PCLO: variants seen among roughly 807,000 people sequenced by gnomAD.
The protein encoded by PCLO is piccolo presynaptic cytomatrix protein, also known as protein piccolo.
PCLO carries 82 observed loss-of-function variants against 427.5 expected under a neutral mutation model. That is an observed-to-expected ratio of 0.19 (90% CI 0.16 to 0.23). PCLO has a LOEUF of 0.23. Among genes scored for constraint, PCLO ranks in the 10% least tolerant of loss-of-function variants. The pLI is 1.00. For missense variants in PCLO, 6,239 were observed against 6,115.9 expected, an observed-to-expected ratio of 1.02 and a Z score of -0.67; for synonymous variants, 2,357 against 2,155.4, an observed-to-expected ratio of 1.09 and a Z score of -2.59.
rs1369832923 is a variant in PCLO, at chr7:82,875,795, C to G, written c.13654+3542G>C. Among the ~76,000 whole-genome samples, 2 of 151,942 alleles carry G rather than the reference C, an allele frequency of 1.3e-5. 1 individual carries two copies. The highest frequency in any genetic ancestry group is 2.9e-5 in the Non-Finnish European group (2 of 67,924). ...CATAAATCTATACAGGTATTATTGT[C>G]AATTAAAAATCAAAATAAAACTATA... On this transcript the variant is annotated intron_variant, in intron 10 of 24. Transcript: ENST00000333891.
intron 22 of PCLO, among the ~76,000 whole-genome samples, chr7:82,794,595 C>T (rs1200794501): frequency 6.6e-6 from 1 of 150,442 alleles, no homozygotes; most frequent in African/African-American, 2.4e-5. Context: ...ATCTTAGCCT[C>T]CCTAGCAGCT....
intron 22 of PCLO, among the ~76,000 whole-genome samples, chr7:82,780,277 T>C (rs1323408515): frequency 6.6e-6 from 1 of 152,236 alleles, no homozygotes; most frequent in African/African-American, 2.4e-5. Flanking sequence ...AAATACAAAA[T>C]ACAATTGCCA....
At chr7:82,867,532 A>G (rs1050869298) in intron 10 of PCLO, among the ~76,000 whole-genome samples, 3 of 152,192 alleles carry the variant, frequency 2.0e-5, no homozygotes, top group African/African-American at 7.2e-5. Flanking sequence ...GGATATTAAA[A>G]AGAGAGGTTA....
chr7:82,813,702 T>G (rs115133638), intron 20 of PCLO, among the ~76,000 whole-genome samples: 1,566 of 151,900 alleles, frequency 0.01, 28 homozygotes, highest in African/African-American at 0.036. Flanking sequence ...GTGACATTAT[T>G]TGCACTAAAA....
chr7:82,999,888 T>A (rs1418616436), intron 3 of PCLO, among the ~76,000 whole-genome samples: 2 of 123,808 alleles, frequency 1.6e-5, no homozygotes, highest in Admixed American at 1.0e-4. Context: ...ATATTATATA[T>A]AATATATATA....
At chr7:82,849,792 A>G (rs1359789305) in intron 10 of PCLO, among the ~76,000 whole-genome samples, 1 of 152,158 alleles carries the variant, frequency 6.6e-6, no homozygotes, top group Middle Eastern at 3.2e-3. Flanking sequence ...AGGTTTGAAT[A>G]TAAGCATTTT....
chr7:82,791,583 ATTT>A (rs34451293), intron 22 of PCLO, among the ~76,000 whole-genome samples: 52,772 of 151,792 alleles, frequency 0.35, 9,601 homozygotes, highest in African/African-American at 0.42. Flanking sequence ...TATATTGATG[ATTT>A]TAGAGATTAG....
intron 3 of PCLO, among the ~76,000 whole-genome samples, chr7:83,121,227 G>A (rs969727212): frequency 3.9e-5 from 6 of 152,216 alleles, no homozygotes; most frequent in Admixed American, 3.9e-4. Context: ...GGGAGGGAGT[G>A]GAAGAAGTTG....
chr7:82,948,894 C>A (rs183116949), intron 6 of PCLO, among the ~76,000 whole-genome samples: 31 of 152,248 alleles, frequency 2.0e-4, no homozygotes, highest in Non-Finnish European at 3.5e-4. Flanking sequence ...ATGATTATAT[C>A]ACACTTTTAT....
At chr7:82,826,123 T>C (rs1791937722) in intron 18 of PCLO, among the ~76,000 whole-genome samples, 1 of 151,692 alleles carries the variant, frequency 6.6e-6, no homozygotes, top group South Asian at 2.1e-4. Flanking sequence ...GATGTTAATG[T>C]AAAAATTGTT....
At chr7:82,907,397 G>T in intron 8 of PCLO, among the ~76,000 whole-genome samples, 1 of 151,874 alleles carries the variant, frequency 6.6e-6, no homozygotes. Flanking sequence ...ATTTTAGAGA[G>T]ATTCATATAA....
Position 82,916,082 on chromosome 7 carries a change from T to C in PCLO, c.11904A>G (p.Leu3968=). The change falls in exon 7 of 25, where the codon TTA becomes TTG. Residue 3968 remains leucine, a synonymous_variant. Coordinates refer to ENST00000333891, the MANE Select transcript of PCLO (RefSeq NM_033026.6). The part of the protein sequence containing the change: ...VIQQKPRQTT[L]YLEPKITSNY... ...TTGAGGTTATCTTGGGCTCCAAATA[T>C]AATGTAGTTTGCCGTGGCTTCTGTT... 2.5e-6 allele frequency: 4 copies of C among 1,613,522 alleles called. No homozygotes were observed. The highest frequency in any genetic ancestry group is 1.1e-5 in the South Asian group (1 of 91,084).
chr7:82,916,466 A>G lies in PCLO; in HGVS notation c.11520T>C (p.Ser3840=). Residue 3840 remains serine (S), a synonymous_variant, in exon 7 of 25, where the codon AGT becomes AGC. Transcript: ENST00000333891. The part of the protein sequence containing the change: ...DRDYMSDSEV[S]STRPTRIESQ... ...TTTCTATTCGGGTTGGTCTTGTGCT[A>G]CTCACTTCACTGTCAGACATGTAAT... 11 of 1,613,594 alleles carry G rather than the reference A, an allele frequency of 6.8e-6. No individual in the cohort carries two copies. The highest frequency in any genetic ancestry group is 9.3e-6 in the Non-Finnish European group (11 of 1,179,754).
At chr7:83,031,453 C>T (rs990667371) in intron 3 of PCLO, among the ~76,000 whole-genome samples, 2 of 152,126 alleles carry the variant, frequency 1.3e-5, no homozygotes, top group Non-Finnish European at 2.9e-5. Context: ...AAATTTTACT[C>T]CAGGTATGCC....
At chr7:83,083,420 T>G (rs2116406645) in intron 3 of PCLO, among the ~76,000 whole-genome samples, 1 of 152,114 alleles carries the variant, frequency 6.6e-6, no homozygotes, top group Admixed American at 6.6e-5. Flanking sequence ...ATGTAAAATT[T>G]TAGCTTTTTT....
At chr7:82,879,291 T>C (rs377712487) in intron 10 of PCLO, 46 bp downstream of exon 10, 2 of 1,493,432 alleles carry the variant, frequency 1.3e-6, no homozygotes, top group Non-Finnish European at 1.8e-6. Flanking sequence ...ATGTATTTAA[T>C]ATGAGTGCAT....
Position 82,950,726 on chromosome 7 carries a change from G to A in PCLO, c.9862C>T (p.Gln3288Ter). The A allele has an allele frequency of 6.2e-7, 1 of 1,613,832 alleles. No individual in the cohort carries two copies. The highest frequency in any genetic ancestry group is 8.5e-7 in the Non-Finnish European group (1 of 1,179,848). The change falls in exon 6 of 25, where the codon CAG becomes TAG. Residue 3288 changes from glutamine (Q) to a stop codon, truncating the protein, a stop_gained. Coordinates refer to ENST00000333891, the MANE Select transcript of PCLO (RefSeq NM_033026.6). LOFTEE classifies it high-confidence loss of function. ...ATCTGCTCAAGCTGTAACTGTTGCT[G>A]AGCTAACGTCTCCTGCCTCATCATG... Reference protein sequence around the residue: ...QFMMRQETLAQQQLQLEQIQQ... With the variant: ...QFMMRQETLA
rs371995456 is a variant in PCLO, at chr7:82,908,998, C to A, written c.13316G>T (p.Arg4439Leu). ...MSDSEAYHLR[R>L]EETDWFDKPR... is the part of the protein sequence containing the mutation. ...TTTATCAAACCAATCTGTTTCCTCACGACGCAGATGATAGGCTTTGGACAC... is the reference window on the plus strand; with the variant it reads ...TTTATCAAACCAATCTGTTTCCTCAAGACGCAGATGATAGGCTTTGGACAC... Residue 4439 changes from arginine to leucine, a missense_variant, in exon 8 of 25, where the codon CGT (arginine) becomes CTT (leucine). Physicochemically the swap from Arg to Leu is moderately radical, Grantham distance 102. Coordinates refer to ENST00000333891, the MANE Select transcript of PCLO (RefSeq NM_033026.6). 3 of 1,612,590 alleles carry A rather than the reference C, an allele frequency of 1.9e-6. No individual in the cohort carries two copies. In the South Asian group the frequency reaches 3.3e-5, roughly 18 times the overall value.
intron 3 of PCLO, among the ~76,000 whole-genome samples, chr7:83,097,747 C>A (rs2023984): frequency 6.6e-6 from 1 of 150,820 alleles, no homozygotes; most frequent in South Asian, 2.1e-4. Context: ...AGAGCACTTG[C>A]TATTGTGTCA....
Sources: allele counts gnomAD v4.1 joint callset (sites outside exome capture counted in the v4.1 genomes callset), GRCh38; gene constraint gnomAD v4.1.1; transcripts MANE v1.5; gene names NCBI Gene and HGNC (gene_info 2026-07-23, HGNC 2026-07-21).